PTPRE: variants seen among roughly 807,000 people sequenced by gnomAD.
The protein encoded by PTPRE is receptor-type tyrosine-protein phosphatase epsilon.
PTPRE carries 51 observed loss-of-function variants against 102.0 expected under a neutral mutation model. The ratio of observed to expected loss-of-function variants is 0.50; its 90% CI spans 0.40 to 0.63. The LOEUF is 0.63. PTPRE is among the 30% of genes least tolerant of loss of function. The pLI is 0.00. For missense variants in PTPRE, 752 were observed against 915.1 expected, an observed-to-expected ratio of 0.82 and a Z score of 2.30; for synonymous variants, 345 against 348.2, an observed-to-expected ratio of 0.99 and a Z score of 0.10.
At chr10:128,050,853 T>C (rs1848513646) in intron 6 of PTPRE, among the ~76,000 whole-genome samples, 1 of 152,210 alleles carries the variant, frequency 6.6e-6, no homozygotes, top group Non-Finnish European at 1.5e-5. Flanking sequence ...ATGGCATGAA[T>C]TCTGCTGCAG....
intron 1 of PTPRE, among the ~76,000 whole-genome samples, chr10:127,968,044 G>A (rs75645020): frequency 2.7e-4 from 40 of 150,088 alleles, no homozygotes; most frequent in Admixed American, 4.6e-4. Flanking sequence ...GTGTGTGTGT[G>A]TGTCCCTGGA....
At chr10:128,053,422 G>A (rs529400041) in intron 6 of PTPRE, among the ~76,000 whole-genome samples, 7 of 152,316 alleles carry the variant, frequency 4.6e-5, no homozygotes, top group African/African-American at 9.6e-5. Flanking sequence ...ATCCAGGTGT[G>A]CAGACCCCTC....
intron 1 of PTPRE, among the ~76,000 whole-genome samples, chr10:127,949,330 C>CGTAT (rs1299721384): frequency 2.0e-5 from 3 of 152,058 alleles, no homozygotes; most frequent in Non-Finnish European, 4.4e-5. Context: ...AGAACCCTGG[C>CGTAT]TAATACAGAT....
chr10:127,963,569 C>G (rs141525831), intron 1 of PTPRE, among the ~76,000 whole-genome samples: 3 of 152,090 alleles, frequency 2.0e-5, no homozygotes, highest in Non-Finnish European at 4.4e-5. Flanking sequence ...TAGGCAGAGC[C>G]GAGTTGAGAC....
At chr10:128,011,226 C>A (rs1844982522) in intron 2 of PTPRE, among the ~76,000 whole-genome samples, 1 of 152,148 alleles carries the variant, frequency 6.6e-6, no homozygotes, top group African/African-American at 2.4e-5. Context: ...AAATTCCAGG[C>A]TGGGACATGG....
At chr10:127,964,946 CT>C in intron 1 of PTPRE, 1 of 455,580 alleles carries the variant, frequency 2.2e-6, no homozygotes, top group Non-Finnish European at 4.4e-6. Flanking sequence ...AAGAAGCTGT[CT>C]CCATGAAGGA....
intron 1 of PTPRE, among the ~76,000 whole-genome samples, chr10:127,975,855 G>A (rs1311819737): frequency 6.6e-6 from 1 of 152,142 alleles, no homozygotes; most frequent in Non-Finnish European, 1.5e-5. Flanking sequence ...CTGCTCTGAA[G>A]TCCCACTGCA....
At chr10:128,043,020 T>G (rs1460146596) in intron 3 of PTPRE, among the ~76,000 whole-genome samples, 1 of 152,080 alleles carries the variant, frequency 6.6e-6, no homozygotes, top group East Asian at 1.9e-4. Flanking sequence ...TGCAAAGGGT[T>G]GGCAAAATAT....
chr10:127,943,057 T>C (rs779632306), intron 1 of PTPRE, among the ~76,000 whole-genome samples: 6 of 152,188 alleles, frequency 3.9e-5, no homozygotes, highest in Non-Finnish European at 8.8e-5. Flanking sequence ...TGTTTTCATG[T>C]GTTTTATTCT....
At chr10:127,953,517 A>G (rs537464983) in intron 1 of PTPRE, among the ~76,000 whole-genome samples, 3 of 152,380 alleles carry the variant, frequency 2.0e-5, no homozygotes, top group African/African-American at 7.2e-5. Context: ...ATGGGCATGC[A>G]CAGCAGCACA....
chr10:128,061,858 C>A, intron 9 of PTPRE, 143 bp downstream of exon 9: 1 of 1,041,602 alleles, frequency 9.6e-7, no homozygotes, highest in South Asian at 1.9e-5. Context: ...GATATCCATT[C>A]ACACAACGGA....
intron 6 of PTPRE, among the ~76,000 whole-genome samples, chr10:128,055,320 C>T (rs528398681): frequency 2.0e-5 from 3 of 152,314 alleles, no homozygotes; most frequent in East Asian, 1.9e-4. Flanking sequence ...CGGCTGCAGG[C>T]GGCAGAAAGA....
At chr10:128,056,880 T>C (rs1422766737) in intron 7 of PTPRE, among the ~76,000 whole-genome samples, 1 of 151,874 alleles carries the variant, frequency 6.6e-6, no homozygotes, top group Non-Finnish European at 1.5e-5. Context: ...CAGCCTGTCT[T>C]GGTGCCAAGA....
chr10:127,949,665 G>A (rs1367010899), intron 1 of PTPRE, among the ~76,000 whole-genome samples: 1 of 152,190 alleles, frequency 6.6e-6, no homozygotes, highest in African/African-American at 2.4e-5. Flanking sequence ...AAAGGGGTGA[G>A]CTCCGGTATT....
intron 1 of PTPRE, among the ~76,000 whole-genome samples, chr10:127,974,275 T>C (rs955204556): frequency 5.3e-5 from 8 of 152,150 alleles, no homozygotes; most frequent in Non-Finnish European, 5.9e-5. Context: ...CAGCAGGAAA[T>C]TTTATTATCT....
chr10:128,063,230 G>C (rs376866189), intron 10 of PTPRE, 50 bp downstream of exon 10: 56 of 1,604,540 alleles, frequency 3.5e-5, no homozygotes, highest in Non-Finnish European at 4.7e-5. Flanking sequence ...AGCTGCTGCT[G>C]CCGGGCTGGG....
intron 1 of PTPRE, among the ~76,000 whole-genome samples, chr10:127,951,915 A>G (rs1372560612): frequency 6.6e-6 from 1 of 152,236 alleles, no homozygotes; most frequent in Non-Finnish European, 1.5e-5. Context: ...GGTGACGCCA[A>G]TTGCAGCAGC....
chr10:128,039,499 A>G (rs534522296), intron 2 of PTPRE, among the ~76,000 whole-genome samples: 2 of 152,364 alleles, frequency 1.3e-5, no homozygotes, highest in East Asian at 3.9e-4. Context: ...GGAAGAAGTA[A>G]AAGTGCTGAT....
chr10:127,928,384 T>G (rs967463947), intron 1 of PTPRE, among the ~76,000 whole-genome samples: 1 of 152,222 alleles, frequency 6.6e-6, no homozygotes. Flanking sequence ...TCCTTGGAGC[T>G]TGGAATTCCT....
Sources: allele counts gnomAD v4.1 joint callset (sites outside exome capture counted in the v4.1 genomes callset), GRCh38; gene constraint gnomAD v4.1.1; transcripts MANE v1.5; gene names NCBI Gene and HGNC (gene_info 2026-07-23, HGNC 2026-07-21).